Variants in ZNF107 observed in about 807,000 individuals in gnomAD.
ZNF107 encodes the protein C2H2 type zinc-finger protein.
ZNF107 carries 19 observed loss-of-function variants against 12.3 expected under a neutral mutation model. That is an observed-to-expected ratio of 1.55 (90% confidence interval 1.08 to 2.27). The LOEUF (loss-of-function observed/expected upper bound fraction) is 2.27, where lower values mean the gene tolerates loss of function less well. Ranked by LOEUF, ZNF107 falls within the 30% of genes most tolerant of loss-of-function variation. The probability of loss-of-function intolerance (pLI) is 0.00; values close to 1 mark genes in which losing one functional copy is unlikely to be tolerated. For synonymous variants in ZNF107, 317 were observed against 330.5 expected, an observed-to-expected ratio of 0.96 and a Z score of 0.44; for missense variants, 958 against 979.9, an observed-to-expected ratio of 0.98 and a Z score of 0.30.
chr7:64,688,685 C>T (rs1452320081), intron 1 of ZNF107, among the ~76,000 whole-genome samples: 1 of 152,118 alleles, frequency 6.6e-6, no homozygotes, highest in African/African-American at 2.4e-5. Context: ...AAAAATAAAA[C>T]CTTTTATCTG....
In ZNF107 at chr7:64,709,041, C is replaced by T. The variant is rs754632403; in HGVS notation, c.*385C>T. ...TAAGATAATTTATACTGGAGAGGAA[C>T]TCTATAGTTGTGAAGAATGTGGCAA... is the stretch of plus-strand genomic sequence containing the variant. On this transcript the variant is annotated 3_prime_UTR_variant, in exon 4 of 4. Transcript: ENST00000620827. 5 of 451,952 alleles carry T rather than the reference C, an allele frequency of 1.1e-5. No individual in the cohort carries two copies. Among genetic ancestry groups the T allele is most frequent in the Non-Finnish European group, 2.2e-5 (5 of 228,504 alleles). 28.0% of individuals were successfully genotyped at this position (451,952 alleles called of 1,614,324 possible).
intron 1 of ZNF107, among the ~76,000 whole-genome samples, chr7:64,676,121 G>A (rs1584465101): frequency 6.6e-6 from 1 of 152,286 alleles, no homozygotes; most frequent in East Asian, 1.9e-4. Flanking sequence ...CAAAGTGCTG[G>A]GACTACAGGC....
intron 1 of ZNF107, among the ~76,000 whole-genome samples, chr7:64,678,263 A>G (rs1789503444): frequency 6.6e-6 from 1 of 152,226 alleles, no homozygotes; most frequent in Admixed American, 6.5e-5. Context: ...TATTAAATTT[A>G]GCAGTACTGA....
At chr7:64,686,516 T>C in intron 1 of ZNF107, 1 of 985,282 alleles carries the variant, frequency 1.0e-6, no homozygotes. Flanking sequence ...CTGAGAAACA[T>C]CACCCCGTCC....
Position 64,707,360 on chromosome 7 carries a change from A to G in ZNF107, c.1263A>G (p.Gly421=). The change falls in exon 4 of 4, where the codon GGA becomes GGG. Residue 421 remains glycine (G), a synonymous_variant. Coordinates refer to ENST00000620827, the MANE Select transcript of ZNF107 (RefSeq NM_001282359.2). ...CTAGACATAAGATAATTCATACTGG[A>G]GAGAAACCCTACAAATGTAAAGAAT... ...TLTRHKIIHT[G]EKPYKCKECG... 6.2e-7 allele frequency: 1 copy of G among 1,613,292 alleles called. No homozygotes were observed. Among genetic ancestry groups the G allele is most frequent in the Admixed American group, 1.7e-5 (1 of 59,974 alleles).
chr7:64,666,916 G>A (rs537543349), intron 1 of ZNF107, among the ~76,000 whole-genome samples: 1 of 127,772 alleles, frequency 7.8e-6, no homozygotes, highest in South Asian at 2.3e-4. Context: ...TTTAGATGAA[G>A]GTGGAAATTT....
chr7:64,671,263 C>T (rs146505733), intron 1 of ZNF107, among the ~76,000 whole-genome samples: 95 of 152,194 alleles, frequency 6.2e-4, no homozygotes, highest in Admixed American at 7.9e-4. Context: ...CCCCTTTTCT[C>T]GCAGCTGCCA....
intron 1 of ZNF107, chr7:64,686,642 A>G: frequency 3.0e-6 from 3 of 985,310 alleles, no homozygotes; most frequent in Non-Finnish European, 3.6e-6. Context: ...TGACCAGCAC[A>G]TATGCCTCCA....
At chr7:64,703,290 G>A (rs971172894) in intron 3 of ZNF107, among the ~76,000 whole-genome samples, 1 of 152,082 alleles carries the variant, frequency 6.6e-6, no homozygotes, top group Admixed American at 6.6e-5. Flanking sequence ...TTATCTGTTT[G>A]TATAAATATT....
At chr7:64,706,210 T>C in intron 3 of ZNF107, 114 bp from the exon 4 acceptor site, 3 of 955,226 alleles carry the variant, frequency 3.1e-6, no homozygotes, top group Non-Finnish European at 4.4e-6. Context: ...GAGCCTGTGG[T>C]ATTTTGCTAT....
At chr7:64,693,623 T>G (rs1413374769) in intron 3 of ZNF107, among the ~76,000 whole-genome samples, 1 of 152,076 alleles carries the variant, frequency 6.6e-6, no homozygotes, top group African/African-American at 2.4e-5. Flanking sequence ...ATTCCCATTT[T>G]AGTTTTGGAT....
At chr7:64,684,358 C>G (rs771446503) in intron 1 of ZNF107, among the ~76,000 whole-genome samples, 1 of 152,182 alleles carries the variant, frequency 6.6e-6, no homozygotes, top group Non-Finnish European at 1.5e-5. Context: ...TGAGGACACT[C>G]TGGCCAGACA....
intron 1 of ZNF107, chr7:64,684,575 C>T (rs1274381832): frequency 3.1e-5 from 31 of 985,260 alleles, no homozygotes; most frequent in South Asian, 4.7e-5. Context: ...TCCCCGACCT[C>T]GTTAAAACTC....
chr7:64,675,858 G>A (rs937597096), intron 1 of ZNF107, among the ~76,000 whole-genome samples: 2 of 152,060 alleles, frequency 1.3e-5, no homozygotes, highest in African/African-American at 2.4e-5. Context: ...TCAGGTGCAG[G>A]TGTTTGTTTT....
intron 1 of ZNF107, among the ~76,000 whole-genome samples, chr7:64,688,449 G>C (rs191908800): frequency 3.3e-5 from 5 of 151,830 alleles, no homozygotes; most frequent in African/African-American, 1.2e-4. Context: ...TGGAAGGGGG[G>C]GTTTCACCAT....
chr7:64,691,760 A>ATT (rs1790126025), intron 2 of ZNF107, 105 bp from the exon 3 acceptor site: 3 of 476,276 alleles, frequency 6.3e-6, no homozygotes, highest in African/African-American at 6.3e-5. Context: ...TATGTTATAA[A>ATT]TTAGTATTTA....
At position 64,709,512 on chromosome 7, in the gene ZNF107, C is replaced by T; in HGVS notation, c.*856C>T. 1 of 352,702 alleles carries T rather than the reference C, an allele frequency of 2.8e-6. No homozygotes were observed. Among genetic ancestry groups the T allele is most frequent in the Non-Finnish European group, 5.4e-6 (1 of 184,018 alleles). The allele number at this position is 352,702 out of a possible 1,614,324, so 21.8% of individuals were successfully genotyped here. A position where few individuals can be genotyped will look rare whatever the true frequency, so the allele number is the denominator to read the frequency against. ...ACACCTCGAACTTTCTAACATAAAT[C>T]ATACTGGTGAAAAATCCTAGAAATG... On this transcript the variant is annotated 3_prime_UTR_variant, in exon 4 of 4. Transcript: ENST00000620827.
rs1411294582 is a variant in ZNF107 at position 64,675,905 on chromosome 7, TGCAGTG to T, written c.3+9624_3+9629del. On this transcript the variant is annotated intron_variant, in intron 1 of 3. Coordinates refer to ENST00000620827, the MANE Select transcript of ZNF107 (RefSeq NM_001282359.2). ...TCTCACTCTGTCACCCAGTCTGGAG[TGCAGTG>T]GCACAATCTCGGCTCACTGCAACCT... 2.0e-5 allele frequency among the ~76,000 whole-genome samples: 3 copies of T among 152,196 alleles called. No individual in the cohort carries two copies. The South Asian group carries it at 6.2e-4, about 32-fold the overall frequency.
chr7:64,693,152 C>T (rs948685860), intron 3 of ZNF107, among the ~76,000 whole-genome samples: 2 of 149,424 alleles, frequency 1.3e-5, no homozygotes, highest in African/African-American at 4.9e-5. Flanking sequence ...GCGCCCTCTA[C>T]CACACTCAGC....
Sources: allele counts gnomAD v4.1 joint callset (sites outside exome capture counted in the v4.1 genomes callset), GRCh38; gene constraint gnomAD v4.1.1; transcripts MANE v1.5; gene names NCBI Gene and HGNC (gene_info 2026-07-23, HGNC 2026-07-21).